The following SIAH2 variants were observed in gnomAD, a reference collection of about 807,000 sequenced individuals.
The protein encoded by SIAH2 is E3 ubiquitin-protein ligase SIAH2.
SIAH2 carries 4 observed loss-of-function variants against 20.4 expected under a neutral mutation model. The ratio of observed to expected loss-of-function variants is 0.20; its 90% CI spans 0.10 to 0.45. SIAH2 has a LOEUF of 0.45. Among genes scored for constraint, SIAH2 ranks in the 20% least tolerant of loss-of-function variants. The pLI is 0.99. For missense variants in SIAH2, 259 were observed against 440.3 expected, an observed-to-expected ratio of 0.59 and a Z score of 3.69; for synonymous variants, 171 against 192.5, an observed-to-expected ratio of 0.89 and a Z score of 0.93.
intron 1 of SIAH2, among the ~76,000 whole-genome samples, chr3:150,750,122 T>C (rs895137849): frequency 2.6e-5 from 4 of 152,226 alleles, no homozygotes; most frequent in African/African-American, 9.6e-5. Flanking sequence ...CTAAGCCTAG[T>C]ATAGATCCAC....
At chr3:150,750,699 T>G (rs1714338203) in intron 1 of SIAH2, among the ~76,000 whole-genome samples, 1 of 152,226 alleles carries the variant, frequency 6.6e-6, no homozygotes, top group African/African-American at 2.4e-5. Context: ...ATTAAAGATG[T>G]GAGCCACCAT....
intron 1 of SIAH2, among the ~76,000 whole-genome samples, chr3:150,758,569 ATTTTT>A (rs574596010): frequency 1.5e-5 from 2 of 129,746 alleles, no homozygotes. Context: ...TAGACATTCC[ATTTTT>A]TTTTTTTTTT....
rs1714096614 is a variant in SIAH2 at position 150,741,976 on chromosome 3, T to G, written c.*165A>C. ...GCCAACCCCATTCATCCCAGGTTAA[T>G]GAACTTTGTTGGGTCGAAGCCAGAT... On this transcript the variant is annotated 3_prime_UTR_variant, in exon 2 of 2. Coordinates refer to ENST00000312960, the MANE Select transcript of SIAH2 (RefSeq NM_005067.7). The G allele has an allele frequency of 1.5e-6, 1 of 664,126 alleles. No individual in the cohort carries two copies. Among genetic ancestry groups the G allele is most frequent in the Non-Finnish European group, 2.6e-6 (1 of 386,236 alleles). 41.1% of individuals were successfully genotyped at this position (664,126 alleles called of 1,614,324 possible).
At chr3:150,760,848 T>C (rs529950652) in intron 1 of SIAH2, among the ~76,000 whole-genome samples, 6 of 152,172 alleles carry the variant, frequency 3.9e-5, no homozygotes, top group Non-Finnish European at 7.3e-5. Context: ...AACCACTAGG[T>C]TGTCACCTTT....
intron 1 of SIAH2, among the ~76,000 whole-genome samples, chr3:150,760,076 G>C (rs1020705031): frequency 5.3e-5 from 8 of 152,194 alleles, no homozygotes; most frequent in Non-Finnish European, 8.8e-5. Context: ...TTTTAAGTTT[G>C]ATACAGGCCT....
Position 150,762,352 on chromosome 3 carries a change from C to T in SIAH2, c.417+81G>A, listed in dbSNP as rs1714637332. 2.0e-6 allele frequency: 3 copies of T among 1,516,790 alleles called. No homozygotes were observed. The East Asian group carries it at 7.4e-5, about 37-fold the overall frequency. 94.0% of individuals were successfully genotyped at this position (1,516,790 alleles called of 1,614,324 possible). A position where few individuals can be genotyped will look rare whatever the true frequency, so the allele number is the denominator to read the frequency against. On this transcript the variant is annotated intron_variant, in intron 1 of 1. Transcript: ENST00000312960. This position sits in a 1 kb window ranked among gnomAD's most constrained non-coding sequence, Gnocchi z 6.6. Reference sequence around the variant, plus strand: ...TTTAAATGAGAGATGCCGCCCGCCTCTCCGGGCCTGCGAGTGGGCTGGCGG... The same window carrying T: ...TTTAAATGAGAGATGCCGCCCGCCTTTCCGGGCCTGCGAGTGGGCTGGCGG...
chr3:150,752,437 T>C (rs892185023), intron 1 of SIAH2, among the ~76,000 whole-genome samples: 12 of 152,192 alleles, frequency 7.9e-5, no homozygotes, highest in Non-Finnish European at 1.6e-4. Context: ...GGCGAAGTCA[T>C]GTCTTTACTG....
At chr3:150,751,428 G>GA (rs57886544) in intron 1 of SIAH2, among the ~76,000 whole-genome samples, 27,198 of 146,874 alleles carry the variant, frequency 0.19, 5,328 homozygotes, top group African/African-American at 0.48. Context: ...TGTCTCTTAA[G>GA]AAAAAAAAAA....
At chr3:150,757,211 GTCT>G (rs199793129) in intron 1 of SIAH2, among the ~76,000 whole-genome samples, 1,534 of 152,274 alleles carry the variant, frequency 0.01, 14 homozygotes, top group South Asian at 0.036. Flanking sequence ...GAGAACCCAG[GTCT>G]TCTGTTTCCT....
intron 1 of SIAH2, among the ~76,000 whole-genome samples, chr3:150,761,493 T>G (rs568072471): frequency 2.7e-4 from 41 of 152,348 alleles, no homozygotes; most frequent in South Asian, 6.2e-4. Flanking sequence ...ATGCCATTTT[T>G]GGAGAAAAAC....
intron 1 of SIAH2, among the ~76,000 whole-genome samples, chr3:150,757,543 C>T (rs1359438314): frequency 6.6e-6 from 1 of 152,150 alleles, no homozygotes; most frequent in Admixed American, 6.5e-5. Context: ...TCAAGGAATG[C>T]TTCTACAAGA....
At chr3:150,756,870 A>G (rs1714495721) in intron 1 of SIAH2, among the ~76,000 whole-genome samples, 1 of 152,226 alleles carries the variant, frequency 6.6e-6, no homozygotes. Flanking sequence ...AACCTTGCCC[A>G]TGTCAGGCAG....
chr3:150,754,011 G>A (rs1381521862), intron 1 of SIAH2, among the ~76,000 whole-genome samples: 1 of 152,156 alleles, frequency 6.6e-6, no homozygotes, highest in Non-Finnish European at 1.5e-5. Flanking sequence ...TTATAGAACT[G>A]CAATATGTGG....
At chr3:150,753,500 A>T (rs1714415218) in intron 1 of SIAH2, among the ~76,000 whole-genome samples, 1 of 152,224 alleles carries the variant, frequency 6.6e-6, no homozygotes, top group African/African-American at 2.4e-5. Context: ...ACTATCAAAA[A>T]GCTTCAATTT....
intron 1 of SIAH2, among the ~76,000 whole-genome samples, chr3:150,759,250 T>C (rs1714551956): frequency 1.3e-5 from 2 of 152,158 alleles, no homozygotes. Flanking sequence ...TTTAATTAAT[T>C]ACCCTAAACC....
rs1456248858 is a variant in SIAH2, at chr3:150,762,253, T to A, written c.417+180A>T. 6 of 1,251,000 alleles carry A rather than the reference T, an allele frequency of 4.8e-6. No homozygotes were observed. Among genetic ancestry groups the A allele is most frequent in the Non-Finnish European group, 5.4e-6 (5 of 933,492 alleles). The allele number at this position is 1,251,000 out of a possible 1,614,324, so 77.5% of individuals were successfully genotyped here. A position where few individuals can be genotyped will look rare whatever the true frequency, so the allele number is the denominator to read the frequency against. ...CTATTAACAATTATTACTCGGTAAATGTCAACCCAGACCTACACCCAAAGT... is the reference window on the plus strand; with the variant it reads ...CTATTAACAATTATTACTCGGTAAAAGTCAACCCAGACCTACACCCAAAGT... On this transcript the variant is annotated intron_variant, in intron 1 of 1. Transcript: ENST00000312960. The surrounding 1 kb of genome is among the most constrained non-coding windows in gnomAD (Gnocchi z 6.6).
Position 150,762,358 on chromosome 3 carries a change from G to A in SIAH2, c.417+75C>T. ...TGAGAGATGCCGCCCGCCTCTCCGG[G>A]CCTGCGAGTGGGCTGGCGGATACCG... On this transcript the variant is annotated intron_variant, in intron 1 of 1. Transcript: ENST00000312960. This position sits in a 1 kb window ranked among gnomAD's most constrained non-coding sequence, Gnocchi z 6.6. The A allele has an allele frequency of 3.3e-6, 5 of 1,521,414 alleles. No individual in the cohort carries two copies. Among genetic ancestry groups the A allele is most frequent in the Non-Finnish European group, 4.4e-6 (5 of 1,138,060 alleles). The allele number at this position is 1,521,414 out of a possible 1,614,324, so 94.2% of individuals were successfully genotyped here.
intron 1 of SIAH2, among the ~76,000 whole-genome samples, chr3:150,746,431 G>T (rs544598357): frequency 5.0e-4 from 76 of 152,158 alleles, no homozygotes; most frequent in Non-Finnish European, 8.5e-4. Flanking sequence ...ACAACCTAAA[G>T]GAGAAGGCAG....
intron 1 of SIAH2, chr3:150,761,919 T>G (rs2108127658): frequency 6.4e-6 from 1 of 155,648 alleles, no homozygotes; most frequent in African/African-American, 2.4e-5. Context: ...GAAAACAGGC[T>G]GTAGGCGCCC....
Sources: allele counts gnomAD v4.1 joint callset (sites outside exome capture counted in the v4.1 genomes callset), GRCh38; gene constraint gnomAD v4.1.1; non-coding constraint Gnocchi (gnomAD v3.1); transcripts MANE v1.5; gene names NCBI Gene and HGNC (gene_info 2026-07-23, HGNC 2026-07-21).